NKAIN3: variants seen among roughly 807,000 people sequenced by gnomAD.
The protein encoded by NKAIN3 is sodium/potassium transporting ATPase interacting 3, also known as sodium/potassium-transporting ATPase subunit beta-1-interacting protein 3.
Under a neutral mutation model 30.2 loss-of-function variants are expected in NKAIN3, and 25 were observed. That is an observed-to-expected ratio of 0.83 (90% CI 0.60 to 1.16). The LOEUF is 1.16. NKAIN3 is among the 50% of genes most tolerant of loss of function. NKAIN3 has a pLI of 0.00. For synonymous variants in NKAIN3, 91 were observed against 89.6 expected (o/e 1.02, Z -0.09); for missense variants, 225 against 254.1 (o/e 0.89, Z 0.78).
rs542978279 is a variant in NKAIN3, at chr8:62,595,902, C to T, written c.273+6108C>T. Among the ~76,000 whole-genome samples, 13 of 151,960 alleles carry T rather than the reference C, an allele frequency of 8.6e-5. No homozygotes were observed. The South Asian group carries it at 2.1e-3, about 24-fold the overall frequency. On this transcript the variant is annotated intron_variant, in intron 3 of 6. Coordinates refer to ENST00000623646, the MANE Select transcript of NKAIN3 (RefSeq NM_001304533.3). ...TGCATCTGGAGCTCCATTTGAAGAA[C>T]GATTTGTAGTTTTACAGCTTTGACT...
At chr8:62,772,379 A>C (rs1817045210) in intron 4 of NKAIN3, among the ~76,000 whole-genome samples, 1 of 152,154 alleles carries the variant, frequency 6.6e-6, no homozygotes, top group South Asian at 2.1e-4. Context: ...GGGAGTGTAG[A>C]TATCTTTTGA....
chr8:62,375,976 CTA>C (rs1817067893), intron 1 of NKAIN3, among the ~76,000 whole-genome samples: 1 of 152,150 alleles, frequency 6.6e-6, no homozygotes, highest in Non-Finnish European at 1.5e-5. Context: ...CTGTGAGGCA[CTA>C]TGTTAGGTGC....
rs1364369941 is a variant in NKAIN3, at chr8:62,971,375, G to A, written c.*5968G>A. On this transcript the variant is annotated 3_prime_UTR_variant, in exon 7 of 7. Transcript: ENST00000623646. ...AGCTTTGCTGGACATGGTGGCTTAT[G>A]CCTGTAATTTCAGCAATTTGGAAGG... is the stretch of plus-strand genomic sequence containing the variant. 1.3e-5 allele frequency among the ~76,000 whole-genome samples: 2 copies of A among 152,124 alleles called. No individual in the cohort carries two copies. The highest frequency in any genetic ancestry group is 2.4e-5 in the African/African-American group (1 of 41,420).
chr8:62,858,433 A>G (rs1171925265), intron 4 of NKAIN3, among the ~76,000 whole-genome samples: 1 of 152,160 alleles, frequency 6.6e-6, no homozygotes, highest in Non-Finnish European at 1.5e-5. Context: ...GAGCACCCCA[A>G]AGCCCACAAG....
intron 1 of NKAIN3, among the ~76,000 whole-genome samples, chr8:62,479,224 G>T (rs528185607): frequency 2.5e-4 from 38 of 152,088 alleles, no homozygotes; most frequent in Non-Finnish European, 5.4e-4. Context: ...GATCAATTGT[G>T]TTATTATTAT....
chr8:62,788,818 CA>C (rs928584227), intron 4 of NKAIN3, among the ~76,000 whole-genome samples: 113 of 152,036 alleles, frequency 7.4e-4, no homozygotes, highest in African/African-American at 2.6e-3. Context: ...TTGTTTTTGT[CA>C]GGTTGGTCAA....
chr8:62,448,771 A>G (rs191637697), intron 1 of NKAIN3, among the ~76,000 whole-genome samples: 1 of 152,046 alleles, frequency 6.6e-6, no homozygotes, highest in East Asian at 1.9e-4. Flanking sequence ...CATTGAGCTT[A>G]AGTCTAGATC....
intron 1 of NKAIN3, among the ~76,000 whole-genome samples, chr8:62,402,522 C>G (rs1803911291): frequency 6.6e-6 from 1 of 150,994 alleles, no homozygotes; most frequent in South Asian, 2.1e-4. Context: ...GGGTGGTTTC[C>G]TCCATGCCAT....
chr8:62,723,479 A>C (rs1376086587), intron 3 of NKAIN3, among the ~76,000 whole-genome samples: 1 of 152,164 alleles, frequency 6.6e-6, no homozygotes, highest in African/African-American at 2.4e-5. Flanking sequence ...TAAAAGGGAA[A>C]ACATCGTAAT....
chr8:62,908,563 C>T (rs1821846893), intron 4 of NKAIN3, among the ~76,000 whole-genome samples: 1 of 152,116 alleles, frequency 6.6e-6, no homozygotes, highest in South Asian at 2.1e-4. Flanking sequence ...TGAATCTTGG[C>T]TGTGGGTTTT....
intron 1 of NKAIN3, among the ~76,000 whole-genome samples, chr8:62,379,202 G>C (rs1209139391): frequency 6.6e-6 from 1 of 152,106 alleles, no homozygotes; most frequent in Non-Finnish European, 1.5e-5. Context: ...ACTTGTAGTG[G>C]GTGTATTTAT....
intron 4 of NKAIN3, among the ~76,000 whole-genome samples, chr8:62,870,258 AT>A (rs1820575105): frequency 8.8e-6 from 1 of 113,956 alleles, no homozygotes; most frequent in Non-Finnish European, 2.0e-5. Flanking sequence ...ATCTATATAT[AT>A]ATCTATATAT....
At chr8:62,281,601 C>T (rs187801911) in intron 1 of NKAIN3, among the ~76,000 whole-genome samples, 12 of 152,250 alleles carry the variant, frequency 7.9e-5, no homozygotes, top group Non-Finnish European at 1.5e-4. Flanking sequence ...TTTCAAAGAA[C>T]ATCTTTATTT....
chr8:62,861,510 A>G (rs1433754835), intron 4 of NKAIN3, among the ~76,000 whole-genome samples: 5 of 152,214 alleles, frequency 3.3e-5, no homozygotes, highest in African/African-American at 7.2e-5. Context: ...TGCTTTTATC[A>G]TCACTTCCAG....
At chr8:62,268,238 A>G (rs1349637965) in intron 1 of NKAIN3, among the ~76,000 whole-genome samples, 1 of 152,202 alleles carries the variant, frequency 6.6e-6, no homozygotes, top group African/African-American at 2.4e-5. Context: ...CAACTGGAGA[A>G]GGAAGAGGAC....
chr8:62,616,064 ATTC>A (rs1563484880), intron 3 of NKAIN3, among the ~76,000 whole-genome samples: 1 of 152,082 alleles, frequency 6.6e-6, no homozygotes, highest in Non-Finnish European at 1.5e-5. Flanking sequence ...CTCTCCTGAA[ATTC>A]TTCTAATTTA....
chr8:62,709,707 GTTTCAA>G (rs1814654898), intron 3 of NKAIN3, among the ~76,000 whole-genome samples: 1 of 151,654 alleles, frequency 6.6e-6, no homozygotes, highest in Non-Finnish European at 1.5e-5. Context: ...TTTATTTTTT[GTTTCAA>G]TTTCATTTAG....
chr8:62,580,492 A>C (rs1187563630), intron 2 of NKAIN3, among the ~76,000 whole-genome samples: 1 of 152,204 alleles, frequency 6.6e-6, no homozygotes, highest in East Asian at 1.9e-4. Context: ...GTTCAGTAGA[A>C]TTACTAGATA....
intron 4 of NKAIN3, among the ~76,000 whole-genome samples, chr8:62,770,779 C>A (rs1447116691): frequency 5.3e-5 from 8 of 150,206 alleles, no homozygotes; most frequent in Non-Finnish European, 1.0e-4. Context: ...AAAATAAAAG[C>A]AGAATTAAAA....
Sources: allele counts gnomAD v4.1 joint callset (sites outside exome capture counted in the v4.1 genomes callset), GRCh38; gene constraint gnomAD v4.1.1; transcripts MANE v1.5; gene names NCBI Gene and HGNC (gene_info 2026-07-23, HGNC 2026-07-21).